TRIM14: variants seen among roughly 807,000 people sequenced by gnomAD.
The protein encoded by TRIM14 is tripartite motif containing 14, also known as tripartite motif-containing protein 14.
A neutral mutation model predicts 44.5 loss-of-function variants in TRIM14; 28 were observed. The observed-to-expected ratio is 0.63, with a 90% CI of 0.47 to 0.86. TRIM14 has a LOEUF of 0.86. TRIM14 is among the 40% of genes least tolerant of loss of function. The probability of loss-of-function intolerance (pLI) is 0.00; values close to 1 mark genes in which losing one functional copy is unlikely to be tolerated. For synonymous variants in TRIM14, 299 were observed against 269.2 expected, an observed-to-expected ratio of 1.11 and a Z score of -1.08; for missense variants, 607 against 611.1, an observed-to-expected ratio of 0.99 and a Z score of 0.07.
In TRIM14 at chr9:98,088,014, G is replaced by T; in HGVS notation, c.794-9C>A. On this transcript the variant is annotated splice_polypyrimidine_tract_variant and intron_variant, in intron 5 of 5. Transcript: ENST00000341469. ...CGTGGGCGTGCGCGCGTCTGCAGGG[G>T]GCGAGACAAGGGACGCACCTGGTGG... is the stretch of plus-strand genomic sequence containing the variant. The T allele has an allele frequency of 6.6e-7, 1 of 1,510,018 alleles. No homozygotes were observed. The highest frequency in any genetic ancestry group is 8.7e-7 in the Non-Finnish European group (1 of 1,142,926). 93.5% of individuals were successfully genotyped at this position (1,510,018 alleles called of 1,614,324 possible).
At chr9:98,054,040 C>T in the TRIM14 span, among the ~76,000 whole-genome samples, 8 of 152,158 alleles carry the variant, frequency 5.3e-5, no homozygotes, top group Admixed American at 5.2e-4. Flanking sequence ...TCCCTATCAT[C>T]TTTGATCCAC....
At chr9:98,050,744 G>A in the TRIM14 span, among the ~76,000 whole-genome samples, 1 of 152,060 alleles carries the variant, frequency 6.6e-6, no homozygotes, top group African/African-American at 2.4e-5. Context: ...TGGTCTCAGC[G>A]TGTCATTCAT....
At chr9:98,077,085 G>A (rs989653041) in intron 6 of TRIM14, 65 of 1,163,490 alleles carry the variant, frequency 5.6e-5, no homozygotes, top group Middle Eastern at 5.5e-4. Context: ...TCCCCTCATG[G>A]TGGCCCACTT....
the TRIM14 span, among the ~76,000 whole-genome samples, chr9:98,047,640 A>AT: frequency 6.6e-6 from 1 of 152,262 alleles, no homozygotes; most frequent in East Asian, 1.9e-4. Context: ...GTTACTTCAC[A>AT]TTATGAGAGA....
At chr9:98,066,844 T>A (rs1021837498), downstream of TRIM14, among the ~76,000 whole-genome samples, 1 of 152,040 alleles carries the variant, frequency 6.6e-6, no homozygotes, top group Non-Finnish European at 1.5e-5. Context: ...GGAGACAGGG[T>A]TTCACCATGT....
the TRIM14 span, among the ~76,000 whole-genome samples, chr9:98,051,927 C>A: frequency 6.6e-6 from 1 of 151,984 alleles, no homozygotes; most frequent in East Asian, 1.9e-4. Context: ...TGTTTCCATG[C>A]CTCTAGGTGG....
chr9:98,087,899 C>G lies in TRIM14; in HGVS notation c.900G>C (p.Val300=). ...RCGLLGSLGP[V]PVLRFDALWQ... is the part of the protein sequence containing the mutation. ...AGAGCGCGTCGAACCGCAGCACGGG[C>G]ACGGGCCCCAGGCTGCCCAGCAGGC... Residue 300 remains valine (V), a synonymous_variant, in exon 6 of 6, where the codon GTG becomes GTC. Transcript: ENST00000341469. 1.9e-6 allele frequency: 3 copies of G among 1,569,754 alleles called. No homozygotes were observed. Among genetic ancestry groups the G allele is most frequent in the Non-Finnish European group, 2.6e-6 (3 of 1,168,032 alleles).
At chr9:98,056,684 C>G in the TRIM14 span, 7 of 1,413,482 alleles carry the variant, frequency 5.0e-6, no homozygotes, top group Non-Finnish European at 4.7e-6. Context: ...GCCCGGCGAC[C>G]GCGGGCTGAC....
the TRIM14 span, among the ~76,000 whole-genome samples, chr9:98,044,607 C>T: frequency 6.6e-6 from 1 of 151,896 alleles, no homozygotes; most frequent in African/African-American, 2.4e-5. Context: ...CTCCTGACCT[C>T]GTGATCTGCC....
the TRIM14 span, among the ~76,000 whole-genome samples, chr9:98,045,454 CCAAT>C: frequency 6.6e-6 from 1 of 152,158 alleles, no homozygotes; most frequent in Non-Finnish European, 1.5e-5. Context: ...GAGTTTTTGG[CCAAT>C]CAAATGTAGC....
chr9:98,093,277 C>T lies in TRIM14; in HGVS notation c.701-1276G>A, dbSNP rs1826064710. 3.9e-5 allele frequency among the ~76,000 whole-genome samples: 6 copies of T among 152,286 alleles called. No homozygotes were observed. The South Asian group carries it at 1.2e-3, about 32-fold the overall frequency. On this transcript the variant is annotated intron_variant, in intron 4 of 5. Coordinates refer to ENST00000341469, the MANE Select transcript of TRIM14 (RefSeq NM_014788.4). Reference sequence around the variant, plus strand: ...GCTCACTCCCATCGCGCCTCAGGACCTCCACCCTTGCTTTTCCCTCTGTCT... The same window carrying T: ...GCTCACTCCCATCGCGCCTCAGGACTTCCACCCTTGCTTTTCCCTCTGTCT...
At chr9:98,045,392 T>G in the TRIM14 span, among the ~76,000 whole-genome samples, 5 of 152,226 alleles carry the variant, frequency 3.3e-5, no homozygotes, top group African/African-American at 1.2e-4. Context: ...CATCGTGAAC[T>G]ATAACAAGTG....
the TRIM14 span, among the ~76,000 whole-genome samples, chr9:98,062,663 AC>A: frequency 2.0e-5 from 3 of 151,956 alleles, no homozygotes; most frequent in Non-Finnish European, 4.4e-5. Flanking sequence ...TATAGCACAA[AC>A]TTTTACCCCA....
chr9:98,109,425 A>G (rs1163049786), intron 2 of TRIM14, among the ~76,000 whole-genome samples: 7 of 152,242 alleles, frequency 4.6e-5, no homozygotes, highest in Non-Finnish European at 1.0e-4. Context: ...CAAAATCCAC[A>G]GAGAATCCAC....
the TRIM14 span, among the ~76,000 whole-genome samples, chr9:98,051,953 T>C: frequency 1.3e-5 from 2 of 152,124 alleles, no homozygotes; most frequent in African/African-American, 4.8e-5. Context: ...AGCGTGCTTC[T>C]TTGATCCAAG....
At chr9:98,056,987 C>T in the TRIM14 span, 3 of 1,514,176 alleles carry the variant, frequency 2.0e-6, no homozygotes, top group Non-Finnish European at 1.8e-6. Context: ...CCGGGAGGGG[C>T]GGGGCGGGGC....
intron 6 of TRIM14, chr9:98,077,096 T>A (rs1829627751): frequency 5.8e-6 from 6 of 1,028,434 alleles, no homozygotes; most frequent in Admixed American, 2.7e-5. Context: ...TGGCCCACTT[T>A]CAGCAGATTT....
intron 4 of TRIM14, among the ~76,000 whole-genome samples, chr9:98,093,036 G>C (rs372797038): frequency 6.6e-6 from 1 of 152,146 alleles, no homozygotes; most frequent in East Asian, 1.9e-4. Context: ...TCCTACTGCC[G>C]AGGCGATACC....
At position 98,087,607 on chromosome 9, in the gene TRIM14, C is replaced by T; in HGVS notation, c.1192G>A (p.Glu398Lys). 3.7e-6 allele frequency: 6 copies of T among 1,601,130 alleles called. No individual in the cohort carries two copies. Among genetic ancestry groups the T allele is most frequent in the Non-Finnish European group, 5.1e-6 (6 of 1,177,218 alleles). The change falls in exon 6 of 6, where the codon GAG becomes AAG. Residue 398 changes from glutamate to lysine, a missense_variant. By Grantham distance (56) the Glu-to-Lys change is moderately conservative. This residue lies in a region of TRIM14 where 356 missense variants were observed against 323.0 expected (regional missense o/e 1.10). Transcript: ENST00000341469. ...LDRLGVFLDY[E>K]AGVLAFYDVT... is the part of the protein sequence containing the mutation. The stretch of plus-strand genomic sequence containing the variant: ...TCGTAGAAGGCGAGGACGCCGGCCT[C>T]GTAGTCCAGGAAGACGCCGAGCCGG...
Sources: allele counts gnomAD v4.1 joint callset (sites outside exome capture counted in the v4.1 genomes callset), GRCh38; gene constraint gnomAD v4.1.1; regional missense constraint gnomAD v4.1.1; transcripts MANE v1.5; gene names NCBI Gene and HGNC (gene_info 2026-07-23, HGNC 2026-07-21).